Variants in GRHPR observed in about 807,000 individuals in gnomAD.
The protein encoded by GRHPR is glyoxylate reductase/hydroxypyruvate reductase.
GRHPR carries 35 observed loss-of-function variants against 36.8 expected under a neutral mutation model. The ratio of observed to expected loss-of-function variants is 0.95; its 90% CI spans 0.73 to 1.26. The LOEUF is 1.26. GRHPR is among the 50% of genes most tolerant of loss of function. The pLI, the probability that GRHPR is intolerant of heterozygous loss-of-function variation, is 0.00. For synonymous variants in GRHPR, 179 were observed against 181.0 expected, an observed-to-expected ratio of 0.99 and a Z score of 0.09; for missense variants, 380 against 435.0, an observed-to-expected ratio of 0.87 and a Z score of 1.12.
chr9:37,428,387 T>C, intron 4 of GRHPR, 97 bp from the exon 5 acceptor site: 1 of 698,212 alleles, frequency 1.4e-6, no homozygotes, highest in Non-Finnish European at 2.6e-6. Flanking sequence ...GGAGGGTGGG[T>C]TTATACCTTG....
chr9:37,429,434 T>C, intron 5 of GRHPR: 1 of 452,362 alleles, frequency 2.2e-6, no homozygotes, highest in East Asian at 4.6e-5. Context: ...TCTCAGAGGT[T>C]AGGAAAAACC....
At chr9:37,431,640 C>A in intron 7 of GRHPR, 1 of 311,394 alleles carries the variant, frequency 3.2e-6, no homozygotes. Flanking sequence ...TGGATGGGGC[C>A]TAACACAGAT....
At chr9:37,431,027 T>G (rs542883065) in intron 7 of GRHPR, 10 of 478,320 alleles carry the variant, frequency 2.1e-5, no homozygotes, top group Admixed American at 4.7e-5. Flanking sequence ...CCTGGCTTTG[T>G]CTGGCTGTGG....
At chr9:37,432,467 CA>C (rs749345234) in intron 8 of GRHPR, 33 of 341,398 alleles carry the variant, frequency 9.7e-5, no homozygotes, top group Non-Finnish European at 1.6e-4. Flanking sequence ...ATCACGAGGT[CA>C]GGGGTTCGAG....
chr9:37,432,476 G>A (rs1213219749), intron 8 of GRHPR: 6 of 335,896 alleles, frequency 1.8e-5, no homozygotes, highest in Non-Finnish European at 2.9e-5. Context: ...TCAGGGGTTC[G>A]AGACCAACCT....
chr9:37,433,647 G>A (rs1298078951), intron 8 of GRHPR, among the ~76,000 whole-genome samples: 1 of 152,198 alleles, frequency 6.6e-6, no homozygotes, highest in African/African-American at 2.4e-5. Context: ...CTGACAGAGT[G>A]TGCTCCTCAC....
chr9:37,430,083 C>A, intron 6 of GRHPR: 1 of 572,018 alleles, frequency 1.7e-6, no homozygotes, highest in Non-Finnish European at 3.1e-6. Flanking sequence ...TCCTTTGTTA[C>A]CATTCCCCAT....
Position 37,436,687 on chromosome 9 carries a change from AC to A in GRHPR, c.895del (p.His299ThrfsTer19). On this transcript the variant is annotated frameshift_variant, in exon 9 of 9. Transcript: ENST00000318158. LOFTEE classifies it high-confidence loss of function. ...CVILPHIGSATHRTRNTMSLL... is the reference protein window; with the variant it reads ...CVILPHIGSAXHRTRNTMSLL... ...GATTCTGCCCCACATTGGCAGTGCC[AC>A]CCACAGAACCCGCAACACCATGTCC... is the stretch of plus-strand genomic sequence containing the variant. 6.2e-7 allele frequency: 1 copy of A among 1,613,808 alleles called. No individual in the cohort carries two copies. The highest frequency in any genetic ancestry group is 8.5e-7 in the Non-Finnish European group (1 of 1,179,936).
Position 37,432,061 on chromosome 9 carries a change from T to G in GRHPR, c.788T>G (p.Ile263Ser), listed in dbSNP as rs1205587022. ...DLYQALASGK[I>S]AAAGLDVTSP... ...TACCAGGCCTTGGCCAGTGGTAAGA[T>G]TGCAGCTGCTGGACTGGATGTGACG... The change falls in exon 8 of 9, where the codon ATT (isoleucine) becomes AGT (serine). Residue 263 changes from isoleucine to serine, a missense_variant. Coordinates refer to ENST00000318158, the MANE Select transcript of GRHPR (RefSeq NM_012203.2). 6.2e-7 allele frequency: 1 copy of G among 1,614,086 alleles called. No homozygotes were observed. Among genetic ancestry groups the G allele is most frequent in the Non-Finnish European group, 8.5e-7 (1 of 1,179,918 alleles).
In GRHPR at chr9:37,426,533, C is replaced by A. The variant is rs748434669; in HGVS notation, c.288-5C>A. 6.4e-6 allele frequency: 10 copies of A among 1,569,676 alleles called. No individual in the cohort carries two copies. Among genetic ancestry groups the A allele is most frequent in the Non-Finnish European group, 8.8e-6 (10 of 1,139,650 alleles). On this transcript the variant is annotated splice_polypyrimidine_tract_variant and splice_region_variant and intron_variant, in intron 3 of 8. Coordinates refer to ENST00000318158, the MANE Select transcript of GRHPR (RefSeq NM_012203.2). Reference sequence around the variant, plus strand: ...TGATGTTACCACCAGATGTCTGATTCGTAGTGGGATCCGAGTTGGCTACAC... The same window carrying A: ...TGATGTTACCACCAGATGTCTGATTAGTAGTGGGATCCGAGTTGGCTACAC...
At chr9:37,422,452 G>A (rs575016867), upstream of GRHPR, among the ~76,000 whole-genome samples, 1 of 152,308 alleles carries the variant, frequency 6.6e-6, no homozygotes, top group South Asian at 2.1e-4. Flanking sequence ...GGGCTCCCAT[G>A]AGGCCTTGGA....
rs557657291 is a variant in GRHPR, at chr9:37,425,087, T to C, written c.214+112T>C. On this transcript the variant is annotated intron_variant, in intron 2 of 8. Coordinates refer to ENST00000318158, the MANE Select transcript of GRHPR (RefSeq NM_012203.2). ...GTGCTGTCTGGGTTCTGAGGGCGTTTCCTGCGATACCAGGCCCGAGCGGGC... is the reference window on the plus strand; with the variant it reads ...GTGCTGTCTGGGTTCTGAGGGCGTTCCCTGCGATACCAGGCCCGAGCGGGC... 4 of 1,116,956 alleles carry C rather than the reference T, an allele frequency of 3.6e-6. No homozygotes were observed. The African/African-American group carries it at 6.1e-5, about 17-fold the overall frequency. The allele number at this position is 1,116,956 out of a possible 1,614,324, so 69.2% of individuals were successfully genotyped here.
At chr9:37,434,234 T>C (rs916874422) in intron 8 of GRHPR, 7 of 404,992 alleles carry the variant, frequency 1.7e-5, no homozygotes, top group Admixed American at 1.3e-4. Context: ...AAAAAGACCA[T>C]GCAGCTCCAA....
In GRHPR at chr9:37,430,735, G is replaced by A. The variant is rs1015079247; in HGVS notation, c.734+89G>A. Reference sequence around the variant, plus strand: ...AGATTTTCTTCCCCGTGGGTTGTTGGTGAGACCCCAGGCTGAGCTTGCTGG... The same window carrying A: ...AGATTTTCTTCCCCGTGGGTTGTTGATGAGACCCCAGGCTGAGCTTGCTGG... On this transcript the variant is annotated intron_variant, in intron 7 of 8. Coordinates refer to ENST00000318158, the MANE Select transcript of GRHPR (RefSeq NM_012203.2). The A allele has an allele frequency of 3.2e-6, 4 of 1,239,816 alleles. No homozygotes were observed. The South Asian group carries it at 4.9e-5, about 15-fold the overall frequency. The allele number at this position is 1,239,816 out of a possible 1,614,324, so 76.8% of individuals were successfully genotyped here.
In GRHPR at chr9:37,428,979, CAG is replaced by C. The variant is rs573586413; in HGVS notation, c.493+410_493+411del. ...AACTCGGGCCGGAGGGCTCAGTGGGCAGAGTTGATCTGCAGTTCTGCAGATGA... is the reference window on the plus strand; with the variant it reads ...AACTCGGGCCGGAGGGCTCAGTGGGCAGTTGATCTGCAGTTCTGCAGATGA... On this transcript the variant is annotated intron_variant, in intron 5 of 8. Transcript: ENST00000318158. 1.6e-3 allele frequency: 549 copies of C among 353,788 alleles called. 3 individuals are homozygous for C. Among genetic ancestry groups the C allele is most frequent in the African/African-American group, 0.011 (519 of 47,146 alleles). The allele number at this position is 353,788 out of a possible 1,614,324, so 21.9% of individuals were successfully genotyped here.
downstream of GRHPR, among the ~76,000 whole-genome samples, chr9:37,437,269 T>C (rs1473913737): frequency 6.6e-6 from 1 of 152,160 alleles, no homozygotes; most frequent in East Asian, 1.9e-4. Flanking sequence ...CAAAAAAAAC[T>C]TTAAAAATAC....
intron 5 of GRHPR, 58 bp from the exon 6 acceptor site, chr9:37,429,674 G>T: frequency 9.0e-7 from 1 of 1,105,618 alleles, no homozygotes; most frequent in Non-Finnish European, 1.4e-6. Context: ...AGAAATGCTG[G>T]GTGGTGTCCC....
rs185224800 is a variant in GRHPR, at chr9:37,431,936, G to C, written c.735-72G>C. The C allele has an allele frequency of 2.6e-6, 4 of 1,542,702 alleles. No individual in the cohort carries two copies. In the East Asian group the frequency reaches 9.0e-5, roughly 35 times the overall value. On this transcript the variant is annotated intron_variant, in intron 7 of 8. Coordinates refer to ENST00000318158, the MANE Select transcript of GRHPR (RefSeq NM_012203.2). ...AGTGAGTGGAAAAATTCATTCTGTAGGTTGTTCTGCCTCAAAGGTGGCCTG... is the reference window on the plus strand; with the variant it reads ...AGTGAGTGGAAAAATTCATTCTGTACGTTGTTCTGCCTCAAAGGTGGCCTG...
chr9:37,422,690 C>G, upstream of GRHPR: 1 of 1,331,610 alleles, frequency 7.5e-7, no homozygotes, highest in Non-Finnish European at 1.1e-6. Flanking sequence ...CCGCCCCGGC[C>G]CAGCTACATT....
Sources: gnomAD v4.1 joint callset for allele counts (sites outside exome capture counted in the v4.1 genomes callset) on GRCh38, gnomAD v4.1.1 for gene constraint, MANE v1.5 for transcripts, NCBI Gene and HGNC (gene_info 2026-07-23, HGNC 2026-07-21) for gene names.